PID1: variants seen among roughly 807,000 people sequenced by gnomAD.
PID1 encodes PTB-containing, cubilin and LRP1-interacting protein.
Under a neutral mutation model 19.1 loss-of-function variants are expected in PID1, and 10 were observed. That is an observed-to-expected ratio of 0.52 (90% CI 0.32 to 0.89). PID1 has a LOEUF of 0.89. PID1 is among the 40% of genes least tolerant of loss of function. PID1 has a pLI of 0.03. For missense variants in PID1, 248 were observed against 285.3 expected, an observed-to-expected ratio of 0.87 and a Z score of 0.94; for synonymous variants, 130 against 116.0, an observed-to-expected ratio of 1.12 and a Z score of -0.78.
intron 2 of PID1, among the ~76,000 whole-genome samples, chr2:229,072,543 G>A (rs1050943258): frequency 9.3e-5 from 14 of 151,190 alleles, no homozygotes; most frequent in South Asian, 8.3e-4. Flanking sequence ...AGCTAAGATC[G>A]CACCACATCG....
intron 1 of PID1, among the ~76,000 whole-genome samples, chr2:229,160,595 T>C (rs1690473350): frequency 6.6e-6 from 1 of 152,128 alleles, no homozygotes; most frequent in Non-Finnish European, 1.5e-5. Flanking sequence ...CATTAGTCTC[T>C]GCTTGAAAGG....
At chr2:229,201,082 A>G (rs1559282394) in intron 1 of PID1, among the ~76,000 whole-genome samples, 1 of 152,054 alleles carries the variant, frequency 6.6e-6, no homozygotes, top group East Asian at 1.9e-4. Flanking sequence ...AAACCTCTAA[A>G]TCATCTTCCC....
chr2:229,189,320 T>C (rs1229116286), intron 1 of PID1, among the ~76,000 whole-genome samples: 1 of 152,128 alleles, frequency 6.6e-6, no homozygotes, highest in African/African-American at 2.4e-5. Context: ...CCAGGTCCAT[T>C]AGATCACGCA....
At chr2:229,196,786 A>G (rs139716038) in intron 1 of PID1, among the ~76,000 whole-genome samples, 47 of 152,208 alleles carry the variant, frequency 3.1e-4, no homozygotes, top group African/African-American at 1.1e-3. Context: ...TAATACTGGA[A>G]CTAATAATAT....
At chr2:229,209,296 G>T (rs139291900) in intron 1 of PID1, among the ~76,000 whole-genome samples, 1 of 152,268 alleles carries the variant, frequency 6.6e-6, no homozygotes, top group African/African-American at 2.4e-5. Flanking sequence ...GGTCACCAGA[G>T]TCTGCTTCTC....
chr2:229,082,753 C>A (rs1371207566), intron 2 of PID1, among the ~76,000 whole-genome samples: 4 of 152,180 alleles, frequency 2.6e-5, no homozygotes, highest in African/African-American at 9.6e-5. Context: ...GAAGTACATT[C>A]TTCTTCACAT....
chr2:229,049,838 G>A (rs1250273066), intron 2 of PID1, among the ~76,000 whole-genome samples: 1 of 152,144 alleles, frequency 6.6e-6, no homozygotes, highest in African/African-American at 2.4e-5. Context: ...CTGCATTACA[G>A]TGTCATGATA....
chr2:229,059,987 T>C (rs569133677), intron 2 of PID1, among the ~76,000 whole-genome samples: 3 of 152,220 alleles, frequency 2.0e-5, no homozygotes, highest in African/African-American at 4.8e-5. Context: ...TATTTATGTA[T>C]TTATATTTTA....
chr2:229,042,494 T>C (rs2106175684), intron 2 of PID1, among the ~76,000 whole-genome samples: 1 of 152,300 alleles, frequency 6.6e-6, no homozygotes, highest in Middle Eastern at 3.4e-3. Context: ...CACCCTCTCA[T>C]GCTGGCTGGA....
chr2:229,138,292 C>T (rs116840036), intron 2 of PID1, among the ~76,000 whole-genome samples: 2 of 152,320 alleles, frequency 1.3e-5, no homozygotes, highest in Non-Finnish European at 2.9e-5. Context: ...GCTCTAAAAA[C>T]ACTCAGTGCT....
Position 229,262,198 on chromosome 2 carries a change from A to T in PID1, c.30+8816T>A, listed in dbSNP as rs558807443. ...TTAATACTAGTCTTCCCTTGGTCTCAGCCTGTCTGGAAAAGTTTCACTGAG... is the reference window on the plus strand; with the variant it reads ...TTAATACTAGTCTTCCCTTGGTCTCTGCCTGTCTGGAAAAGTTTCACTGAG... On this transcript the variant is annotated intron_variant, in intron 1 of 2. Transcript: ENST00000392055. 5.3e-5 allele frequency among the ~76,000 whole-genome samples: 8 copies of T among 152,280 alleles called. No individual in the cohort carries two copies. The South Asian group carries it at 1.7e-3, about 32-fold the overall frequency.
At chr2:229,261,272 C>T (rs568671432) in intron 1 of PID1, among the ~76,000 whole-genome samples, 187 of 152,280 alleles carry the variant, frequency 1.2e-3, no homozygotes, top group African/African-American at 4.2e-3. Context: ...CAGTACCACC[C>T]GGTTTGTGGT....
chr2:229,165,567 G>A (rs1333303299), intron 1 of PID1, among the ~76,000 whole-genome samples: 6 of 150,906 alleles, frequency 4.0e-5, no homozygotes, highest in East Asian at 4.0e-4. Flanking sequence ...GTGACAGAGC[G>A]AGACCCAGTC....
At chr2:229,197,943 T>C (rs1390262550) in intron 1 of PID1, among the ~76,000 whole-genome samples, 1 of 152,086 alleles carries the variant, frequency 6.6e-6, no homozygotes, top group Non-Finnish European at 1.5e-5. Flanking sequence ...TTAACATTAG[T>C]ATTCCGGCTC....
chr2:229,056,605 T>TAAA (rs1694106225), intron 2 of PID1, among the ~76,000 whole-genome samples: 2 of 141,282 alleles, frequency 1.4e-5, no homozygotes, highest in Non-Finnish European at 3.2e-5. Flanking sequence ...TATAAATAAA[T>TAAA]AAAAATAATA....
intron 2 of PID1, among the ~76,000 whole-genome samples, chr2:229,086,501 A>C (rs10179973): frequency 0.38 from 57,088 of 152,070 alleles, 11,934 homozygotes; most frequent in Middle Eastern, 0.56. Flanking sequence ...TAAAGTCAAA[A>C]AATCATAAGT....
chr2:229,206,893 T>A (rs1350718504), intron 1 of PID1, among the ~76,000 whole-genome samples: 2 of 152,188 alleles, frequency 1.3e-5, no homozygotes, highest in Non-Finnish European at 2.9e-5. Context: ...GGGATTTTGT[T>A]AGAATGCAGA....
At chr2:229,168,523 A>G (rs1690648311) in intron 1 of PID1, among the ~76,000 whole-genome samples, 1 of 152,124 alleles carries the variant, frequency 6.6e-6, no homozygotes, top group Non-Finnish European at 1.5e-5. Context: ...TGTTTTCCCC[A>G]GCAGTTACAT....
At chr2:229,138,852 G>A (rs556920398) in intron 2 of PID1, among the ~76,000 whole-genome samples, 3 of 138,950 alleles carry the variant, frequency 2.2e-5, no homozygotes, top group East Asian at 2.2e-4. Flanking sequence ...TGAGACATAC[G>A]AATGTAGAAG....
Sources: gnomAD v4.1 joint callset for allele counts (sites outside exome capture counted in the v4.1 genomes callset) on GRCh38, gnomAD v4.1.1 for gene constraint, MANE v1.5 for transcripts, NCBI Gene and HGNC (gene_info 2026-07-23, HGNC 2026-07-21) for gene names.